The following PLD5 variants were observed in gnomAD, a reference collection of about 807,000 sequenced individuals.
PLD5 encodes the protein phospholipase D family member 5.
PLD5 carries 36 observed loss-of-function variants against 61.1 expected under a neutral mutation model. The ratio of observed to expected loss-of-function variants is 0.59; its 90% CI spans 0.45 to 0.78. The LOEUF (loss-of-function observed/expected upper bound fraction) is 0.78, where lower values mean the gene tolerates loss of function less well. Among genes scored for constraint, PLD5 ranks in the 30% least tolerant of loss-of-function variants. The pLI, the probability that PLD5 is intolerant of heterozygous loss-of-function variation, is 0.00. For synonymous variants in PLD5, 243 were observed against 242.8 expected (o/e 1.00, Z -0.01); for missense variants, 515 against 644.4 (o/e 0.80, Z 2.17).
chr1:242,131,627 C>A (rs529705941), intron 5 of PLD5, among the ~76,000 whole-genome samples: 6 of 152,146 alleles, frequency 3.9e-5, no homozygotes, highest in African/African-American at 1.2e-4. Flanking sequence ...CAAGAATACT[C>A]AAAAATGAGT....
At chr1:242,523,045 G>T (rs538610812) in intron 1 of PLD5, among the ~76,000 whole-genome samples, 3 of 152,108 alleles carry the variant, frequency 2.0e-5, no homozygotes, top group East Asian at 1.9e-4. Flanking sequence ...GAGTGCTTTG[G>T]GGGGCAGATG....
chr1:242,394,475 T>TGA (rs1449449403), intron 1 of PLD5, among the ~76,000 whole-genome samples: 4 of 88,292 alleles, frequency 4.5e-5, no homozygotes, highest in East Asian at 3.4e-4. Flanking sequence ...AACATATATA[T>TGA]GTGTATATAT....
At chr1:242,228,688 G>A (rs1394584672) in intron 4 of PLD5, among the ~76,000 whole-genome samples, 1 of 151,774 alleles carries the variant, frequency 6.6e-6, no homozygotes, top group Non-Finnish European at 1.5e-5. Flanking sequence ...GAGGAAGGTA[G>A]GGAGGGAGGG....
intron 2 of PLD5, among the ~76,000 whole-genome samples, chr1:242,293,312 C>G (rs1323895487): frequency 6.6e-6 from 1 of 152,174 alleles, no homozygotes; most frequent in Non-Finnish European, 1.5e-5. Context: ...TGACAGTAGT[C>G]TTCCTTACCC....
chr1:242,501,079 C>G (rs1668540073), intron 1 of PLD5, among the ~76,000 whole-genome samples: 1 of 152,106 alleles, frequency 6.6e-6, no homozygotes, highest in Non-Finnish European at 1.5e-5. Context: ...GTATGTCACC[C>G]ACCTCTCTCT....
intron 4 of PLD5, among the ~76,000 whole-genome samples, chr1:242,241,272 A>G (rs2149061251): frequency 6.6e-6 from 1 of 152,304 alleles, no homozygotes; most frequent in Non-Finnish European, 1.5e-5. Context: ...TGTAGGGTAG[A>G]AAACCCTGAG....
At chr1:242,447,458 G>C (rs182341650) in intron 1 of PLD5, among the ~76,000 whole-genome samples, 1 of 152,182 alleles carries the variant, frequency 6.6e-6, no homozygotes, top group Non-Finnish European at 1.5e-5. Flanking sequence ...CTCCTCTTCC[G>C]GTCAGTGGTC....
chr1:242,206,639 AATGGT>A (rs926302826), intron 5 of PLD5, among the ~76,000 whole-genome samples: 4 of 152,162 alleles, frequency 2.6e-5, no homozygotes, highest in African/African-American at 9.7e-5. Flanking sequence ...GAGAAAAGAG[AATGGT>A]ATTAAGAAAA....
chr1:242,270,455 A>G (rs1158034832), intron 3 of PLD5, among the ~76,000 whole-genome samples: 1 of 152,196 alleles, frequency 6.6e-6, no homozygotes, highest in Non-Finnish European at 1.5e-5. Context: ...CCTAGAACAT[A>G]CATCTCTCTT....
intron 5 of PLD5, among the ~76,000 whole-genome samples, chr1:242,141,334 C>T (rs1191709265): frequency 6.6e-6 from 1 of 152,140 alleles, no homozygotes; most frequent in Non-Finnish European, 1.5e-5. Flanking sequence ...TGACATTTTC[C>T]ATCTTCCTCT....
chr1:242,499,762 A>T (rs780983334), intron 1 of PLD5, among the ~76,000 whole-genome samples: 1 of 151,470 alleles, frequency 6.6e-6, no homozygotes, highest in Non-Finnish European at 1.5e-5. Flanking sequence ...TGTTGTGCTC[A>T]TGGATTGTGC....
rs570634251 is a variant in PLD5 at position 242,189,926 on chromosome 1, G to A, written c.735+30062C>T. ...AACACCATGAATGAGGGGGAATGTG[G>A]AAGAGGCTGAGGTCAAAGAGACAGC... On this transcript the variant is annotated intron_variant, in intron 5 of 9. Coordinates refer to ENST00000536534, the MANE Select transcript of PLD5 (RefSeq NM_001372062.1). Among the ~76,000 whole-genome samples the A allele has an allele frequency of 3.2e-3, 483 of 152,262 alleles. 3 individuals are homozygous for A. The highest frequency in any genetic ancestry group is 4.8e-3 in the Non-Finnish European group (325 of 68,014).
At chr1:242,178,970 A>T (rs1028994495) in intron 5 of PLD5, among the ~76,000 whole-genome samples, 12 of 152,248 alleles carry the variant, frequency 7.9e-5, no homozygotes, top group Non-Finnish European at 1.6e-4. Context: ...GGGAACACGT[A>T]GACGGTTGCC....
intron 5 of PLD5, among the ~76,000 whole-genome samples, chr1:242,175,551 C>G (rs1165380675): frequency 2.6e-5 from 4 of 152,188 alleles, no homozygotes; most frequent in Non-Finnish European, 5.9e-5. Flanking sequence ...GACAAGGATG[C>G]CTTCTCTCAC....
intron 1 of PLD5, among the ~76,000 whole-genome samples, chr1:242,377,625 C>T (rs1028056984): frequency 2.0e-5 from 3 of 151,946 alleles, no homozygotes; most frequent in Non-Finnish European, 4.4e-5. Context: ...CAAACATGTA[C>T]AGCTCATGGG....
At chr1:242,340,208 T>C (rs1213968152) in intron 2 of PLD5, among the ~76,000 whole-genome samples, 2 of 152,228 alleles carry the variant, frequency 1.3e-5, no homozygotes, top group African/African-American at 4.8e-5. Flanking sequence ...TCAAGGGCTC[T>C]AGGCTTTTAC....
chr1:242,206,385 G>GTAT (rs1360599763), intron 5 of PLD5, among the ~76,000 whole-genome samples: 1 of 152,160 alleles, frequency 6.6e-6, no homozygotes, highest in Non-Finnish European at 1.5e-5. Context: ...GTCATCATCT[G>GTAT]TATTAGTCAG....
chr1:242,503,901 A>G (rs1668638469), intron 1 of PLD5, among the ~76,000 whole-genome samples: 1 of 152,214 alleles, frequency 6.6e-6, no homozygotes, highest in East Asian at 1.9e-4. Context: ...GATGCTGTTA[A>G]GCTGCTGAAT....
At chr1:242,177,322 A>G (rs1382938019) in intron 5 of PLD5, among the ~76,000 whole-genome samples, 1 of 152,154 alleles carries the variant, frequency 6.6e-6, no homozygotes, top group African/African-American at 2.4e-5. Context: ...GGAACAGAAA[A>G]CCAAACACCA....
Sources: gnomAD v4.1 joint callset for allele counts (sites outside exome capture counted in the v4.1 genomes callset) on GRCh38, gnomAD v4.1.1 for gene constraint, MANE v1.5 for transcripts, NCBI Gene and HGNC (gene_info 2026-07-23, HGNC 2026-07-21) for gene names.